The following CHN2 variants were observed in gnomAD, a reference collection of about 807,000 sequenced individuals.
CHN2 encodes the protein chimerin 2.
A neutral mutation model predicts 56.3 loss-of-function variants in CHN2; 35 were observed. The observed-to-expected ratio is 0.62, with a 90% confidence interval of 0.47 to 0.82. The LOEUF (loss-of-function observed/expected upper bound fraction) is 0.82. Ranked by LOEUF, CHN2 falls within the 40% of genes least tolerant of loss-of-function variation. CHN2 has a pLI of 0.00. For synonymous variants in CHN2, 210 were observed against 212.8 expected, an observed-to-expected ratio of 0.99 and a Z score of 0.12; for missense variants, 491 against 580.5, an observed-to-expected ratio of 0.85 and a Z score of 1.58.
chr7:29,238,169 C>T (rs1285920918), intron 1 of CHN2, among the ~76,000 whole-genome samples: 1 of 151,970 alleles, frequency 6.6e-6, no homozygotes, highest in Non-Finnish European at 1.5e-5. Context: ...AGGCGTGTGC[C>T]ACCACGCCCG....
At chr7:29,354,979 A>T (rs1339555626) in intron 2 of CHN2, among the ~76,000 whole-genome samples, 1 of 124,320 alleles carries the variant, frequency 8.0e-6, no homozygotes, top group Non-Finnish European at 1.7e-5. Flanking sequence ...TTTATTTTTT[A>T]TTTATTGAGA....
intron 7 of CHN2, among the ~76,000 whole-genome samples, chr7:29,487,837 A>G (rs1788210328): frequency 6.6e-6 from 1 of 152,144 alleles, no homozygotes; most frequent in Non-Finnish European, 1.5e-5. Flanking sequence ...ACCACAACAA[A>G]GAGTTGTGCA....
intron 2 of CHN2, among the ~76,000 whole-genome samples, chr7:29,149,828 C>G (rs1246241493): frequency 6.6e-6 from 1 of 152,136 alleles, no homozygotes; most frequent in Non-Finnish European, 1.5e-5. Flanking sequence ...ACAGTGTCTC[C>G]CCTCCATGTG....
intron 6 of CHN2, among the ~76,000 whole-genome samples, chr7:29,478,795 T>C (rs756339034): frequency 1.6e-4 from 24 of 152,182 alleles, no homozygotes; most frequent in Admixed American, 1.5e-3. Flanking sequence ...GCGTAAATTA[T>C]TGTGCTCAAT....
At chr7:29,355,403 A>C (rs1039066231) in intron 2 of CHN2, among the ~76,000 whole-genome samples, 4 of 152,302 alleles carry the variant, frequency 2.6e-5, no homozygotes, top group African/African-American at 9.6e-5. Context: ...ACAGATAGCG[A>C]AGAACCTGTT....
chr7:29,161,341 G>C (rs1795151706), intron 2 of CHN2, among the ~76,000 whole-genome samples: 3 of 151,968 alleles, frequency 2.0e-5, no homozygotes. Context: ...TCTTTCTCCT[G>C]GTCAGGAAAA....
chr7:29,347,475 C>T (rs1056502989), intron 1 of CHN2, among the ~76,000 whole-genome samples: 3 of 151,944 alleles, frequency 2.0e-5, no homozygotes, highest in African/African-American at 4.8e-5. Context: ...TGGTGGAAGG[C>T]GGAGGGGAAG....
chr7:29,513,039 A>C lies in CHN2; in HGVS notation c.*304A>C. On this transcript the variant is annotated 3_prime_UTR_variant, in exon 13 of 13. Transcript: ENST00000222792. ...ATTAAAAAACAATGTAGACCTTTAA[A>C]CTTCAGTCTTATTGGTAATAAAAGG... 1 of 226,638 alleles carries C rather than the reference A, an allele frequency of 4.4e-6. No homozygotes were observed. The highest frequency in any genetic ancestry group is 8.6e-6 in the Non-Finnish European group (1 of 116,686). The allele number at this position is 226,638 out of a possible 1,614,324, so 14.0% of individuals were successfully genotyped here.
At chr7:29,360,695 G>C (rs549278924) in intron 2 of CHN2, among the ~76,000 whole-genome samples, 1 of 152,140 alleles carries the variant, frequency 6.6e-6, no homozygotes, top group Non-Finnish European at 1.5e-5. Context: ...CTGGCTCAGC[G>C]TCATGGCCAA....
chr7:29,395,262 C>G (rs1304122234), intron 4 of CHN2, among the ~76,000 whole-genome samples: 2 of 152,228 alleles, frequency 1.3e-5, no homozygotes, highest in South Asian at 4.1e-4. Flanking sequence ...GTGGCTCACG[C>G]CTGTAGTCCC....
intron 8 of CHN2, among the ~76,000 whole-genome samples, chr7:29,498,677 A>T (rs1789573893): frequency 6.6e-6 from 1 of 151,078 alleles, no homozygotes; most frequent in South Asian, 2.1e-4. Context: ...AGATACTTTG[A>T]GTAGAGAGCA....
intron 3 of CHN2, among the ~76,000 whole-genome samples, chr7:29,378,702 A>G (rs1193289229): frequency 3.3e-5 from 5 of 152,258 alleles, no homozygotes; most frequent in African/African-American, 9.6e-5. Flanking sequence ...GCGGTGGCTC[A>G]TGCCTGTAAT....
chr7:29,179,903 T>C (rs536978447), intron 2 of CHN2, among the ~76,000 whole-genome samples: 5 of 152,200 alleles, frequency 3.3e-5, no homozygotes, highest in Non-Finnish European at 7.3e-5. Flanking sequence ...AAAAATCTGG[T>C]CACTGTTATT....
At chr7:29,258,814 C>G (rs553969688) in intron 1 of CHN2, among the ~76,000 whole-genome samples, 9 of 152,064 alleles carry the variant, frequency 5.9e-5, no homozygotes, top group Non-Finnish European at 1.3e-4. Flanking sequence ...ACAACCTCTG[C>G]AAAGAGGAAT....
At chr7:29,415,681 C>T (rs575604416) in intron 6 of CHN2, among the ~76,000 whole-genome samples, 1 of 152,182 alleles carries the variant, frequency 6.6e-6, no homozygotes, top group East Asian at 1.9e-4. Context: ...AAAGTAGTCT[C>T]CAAAGTGTGG....
At position 29,496,052 on chromosome 7, in the gene CHN2, T is replaced by C. The variant is rs1789242582; in HGVS notation, c.739+16T>C. On this transcript the variant is annotated intron_variant, in intron 8 of 12. Transcript: ENST00000222792. ...CGGTGCTCAGGTAGACACAGAACTTTCTTCTTTTCCAATTATATGAAATGC... is the reference window on the plus strand; with the variant it reads ...CGGTGCTCAGGTAGACACAGAACTTCCTTCTTTTCCAATTATATGAAATGC... The C allele has an allele frequency of 3.8e-6, 6 of 1,595,506 alleles. No individual in the cohort carries two copies. Among genetic ancestry groups the C allele is most frequent in the African/African-American group, 1.4e-5 (1 of 73,750 alleles).
At chr7:29,153,429 C>T (rs1027191248) in intron 2 of CHN2, among the ~76,000 whole-genome samples, 18 of 152,188 alleles carry the variant, frequency 1.2e-4, no homozygotes, top group Admixed American at 2.6e-4. Context: ...TCTGGTTTTG[C>T]CACCCCTGAG....
At chr7:29,200,473 CT>C (rs1192120821) in intron 1 of CHN2, among the ~76,000 whole-genome samples, 6 of 134,944 alleles carry the variant, frequency 4.4e-5, no homozygotes, top group Non-Finnish European at 9.6e-5. Context: ...CCCCTCCCCC[CT>C]TCCCCCCCCC....
intron 6 of CHN2, among the ~76,000 whole-genome samples, chr7:29,431,107 C>T (rs1252042192): frequency 2.6e-5 from 4 of 152,188 alleles, no homozygotes; most frequent in Non-Finnish European, 4.4e-5. Flanking sequence ...GGAACACCCA[C>T]AACTCATAGA....
Sources: gnomAD v4.1 joint callset for allele counts (sites outside exome capture counted in the v4.1 genomes callset) on GRCh38, gnomAD v4.1.1 for gene constraint, MANE v1.5 for transcripts, NCBI Gene and HGNC (gene_info 2026-07-23, HGNC 2026-07-21) for gene names.